GRXCR1: variants seen among roughly 807,000 people sequenced by gnomAD.
GRXCR1 encodes glutaredoxin domain-containing cysteine-rich protein 1.
Under a neutral mutation model 27.3 loss-of-function variants are expected in GRXCR1, and 27 were observed. The ratio of observed to expected loss-of-function variants is 0.99; its 90% CI spans 0.73 to 1.37. The LOEUF (loss-of-function observed/expected upper bound fraction) is 1.37. Ranked by LOEUF, GRXCR1 falls within the 40% of genes most tolerant of loss-of-function variation. GRXCR1 has a pLI of 0.00. For synonymous variants in GRXCR1, 122 were observed against 131.1 expected (o/e 0.93, Z 0.47); for missense variants, 379 against 354.4 (o/e 1.07, Z -0.56).
At chr4:42,938,200 A>C (rs985319633) in intron 1 of GRXCR1, among the ~76,000 whole-genome samples, 1 of 151,960 alleles carries the variant, frequency 6.6e-6, no homozygotes, top group Non-Finnish European at 1.5e-5. Context: ...GTGTCAGCTT[A>C]TTTTAGTTAA....
intron 2 of GRXCR1, among the ~76,000 whole-genome samples, chr4:42,980,423 T>A (rs1748631634): frequency 6.6e-6 from 1 of 152,082 alleles, no homozygotes; most frequent in Admixed American, 6.6e-5. Context: ...AATAATTTTT[T>A]AATTTTCCTG....
At chr4:42,976,306 C>A (rs578175239) in intron 2 of GRXCR1, among the ~76,000 whole-genome samples, 30 of 152,028 alleles carry the variant, frequency 2.0e-4, no homozygotes, top group African/African-American at 7.2e-4. Context: ...ATATGTGTAG[C>A]CATTTATTCA....
At chr4:42,920,144 G>C (rs997839264) in intron 1 of GRXCR1, among the ~76,000 whole-genome samples, 1 of 152,088 alleles carries the variant, frequency 6.6e-6, no homozygotes, top group Non-Finnish European at 1.5e-5. Flanking sequence ...TTTATTGAAG[G>C]ACAATAGACA....
intron 1 of GRXCR1, among the ~76,000 whole-genome samples, chr4:42,939,741 T>C (rs1054219616): frequency 6.6e-6 from 1 of 152,018 alleles, no homozygotes; most frequent in Non-Finnish European, 1.5e-5. Flanking sequence ...ATGGTGGCAA[T>C]ATGTGGGAGA....
In GRXCR1 at chr4:43,020,400, A is replaced by G. The variant is rs2109807145; in HGVS notation, c.674A>G (p.Asp225Gly). The G allele has an allele frequency of 6.2e-7, 1 of 1,610,592 alleles. No homozygotes were observed. Among genetic ancestry groups the G allele is most frequent in the Non-Finnish European group, 8.5e-7 (1 of 1,176,848 alleles). Reference protein sequence around the residue: ...LSMNESGELQDILTKIERVQH... With the variant: ...LSMNESGELQGILTKIERVQH... ...ATGAATGAATCAGGAGAACTGCAAGACATCCTAACCAAAATTGAGGTAAAT... is the reference window on the plus strand; with the variant it reads ...ATGAATGAATCAGGAGAACTGCAAGGCATCCTAACCAAAATTGAGGTAAAT... The change falls in exon 3 of 4, where the codon GAC (aspartate) becomes GGC (glycine). Residue 225 changes from aspartate to glycine, a missense_variant. Physicochemically the swap from Asp to Gly is moderately conservative, Grantham distance 94. Coordinates refer to ENST00000399770, the MANE Select transcript of GRXCR1 (RefSeq NM_001080476.3).
At position 42,945,123 on chromosome 4, in the gene GRXCR1, G is replaced by A. The variant is rs367732367; in HGVS notation, c.385-17769G>A. Reference sequence around the variant, plus strand: ...TGCCCCTTCCACCATGTGAAGACACGCGGAGAAGATACCATCTATAAGGAA... The same window carrying A: ...TGCCCCTTCCACCATGTGAAGACACACGGAGAAGATACCATCTATAAGGAA... On this transcript the variant is annotated intron_variant, in intron 1 of 3. Coordinates refer to ENST00000399770, the MANE Select transcript of GRXCR1 (RefSeq NM_001080476.3). 4.5e-4 allele frequency among the ~76,000 whole-genome samples: 69 copies of A among 152,218 alleles called. 1 individual carries two copies. The South Asian group carries it at 0.011, about 23-fold the overall frequency.
chr4:42,939,357 C>T (rs1046366271), intron 1 of GRXCR1, among the ~76,000 whole-genome samples: 2 of 151,972 alleles, frequency 1.3e-5, no homozygotes, highest in Admixed American at 6.6e-5. Context: ...GATTTTTATC[C>T]TGCAAGTTTA....
chr4:42,997,523 A>G (rs2109794403), intron 2 of GRXCR1, among the ~76,000 whole-genome samples: 1 of 152,332 alleles, frequency 6.6e-6, no homozygotes, highest in East Asian at 1.9e-4. Flanking sequence ...CTGCTCCTCC[A>G]GGGTCATCTA....
intron 1 of GRXCR1, among the ~76,000 whole-genome samples, chr4:42,906,760 C>A (rs1190724089): frequency 6.6e-6 from 1 of 152,080 alleles, no homozygotes; most frequent in Non-Finnish European, 1.5e-5. Flanking sequence ...GCAGGTGCCT[C>A]TCTTATAATA....
At chr4:42,930,230 G>A (rs1267415680) in intron 1 of GRXCR1, among the ~76,000 whole-genome samples, 1 of 151,994 alleles carries the variant, frequency 6.6e-6, no homozygotes, top group Non-Finnish European at 1.5e-5. Flanking sequence ...CACAGCAGAA[G>A]CACCAAGTTA....
At chr4:42,904,164 A>G (rs1746531972) in intron 1 of GRXCR1, among the ~76,000 whole-genome samples, 1 of 152,182 alleles carries the variant, frequency 6.6e-6, no homozygotes, top group Non-Finnish European at 1.5e-5. Flanking sequence ...ATTTTGGTCC[A>G]TGGATTCTGG....
intron 1 of GRXCR1, among the ~76,000 whole-genome samples, chr4:42,922,455 A>G (rs1009257737): frequency 6.6e-6 from 1 of 152,146 alleles, no homozygotes; most frequent in African/African-American, 2.4e-5. Context: ...TTTGCAAGAT[A>G]ATGGGCTCAC....
At chr4:42,993,933 A>G (rs898418773) in intron 2 of GRXCR1, among the ~76,000 whole-genome samples, 8 of 152,172 alleles carry the variant, frequency 5.3e-5, no homozygotes, top group Admixed American at 4.6e-4. Flanking sequence ...AAACGAGTGT[A>G]GAAGAAAATC....
intron 1 of GRXCR1, among the ~76,000 whole-genome samples, chr4:42,915,313 A>C (rs187627191): frequency 5.3e-5 from 8 of 152,306 alleles, no homozygotes; most frequent in Admixed American, 5.2e-4. Context: ...TGTGAGAGGC[A>C]TGTGACACAA....
intron 1 of GRXCR1, 67 bp downstream of exon 1, chr4:42,893,717 C>A: frequency 6.8e-7 from 1 of 1,480,770 alleles, no homozygotes; most frequent in Non-Finnish European, 9.4e-7. Flanking sequence ...CCTCTCAGTT[C>A]TCCAGTTAAA....
rs181296413 is a variant in GRXCR1 at position 42,922,106 on chromosome 4, C to T, written c.384+28456C>T. Among the ~76,000 whole-genome samples, 618 of 152,200 alleles carry T rather than the reference C, an allele frequency of 4.1e-3. 3 individuals carry two copies. The highest frequency in any genetic ancestry group is 0.027 in the Middle Eastern group (8 of 294). ...ATTAAGAAGTTATAGATCAAGGTAA[C>T]AAAGTATTAAATAAAATATGTTCCA... is the stretch of plus-strand genomic sequence containing the variant. On this transcript the variant is annotated intron_variant, in intron 1 of 3. Coordinates refer to ENST00000399770, the MANE Select transcript of GRXCR1 (RefSeq NM_001080476.3).
chr4:43,023,176 A>C (rs1713146557), intron 3 of GRXCR1, among the ~76,000 whole-genome samples: 1 of 152,144 alleles, frequency 6.6e-6, no homozygotes, highest in African/African-American at 2.4e-5. Context: ...GCTAGTAAAG[A>C]TGTTAGGTCC....
At chr4:42,988,421 G>T (rs1370517964) in intron 2 of GRXCR1, among the ~76,000 whole-genome samples, 1 of 152,122 alleles carries the variant, frequency 6.6e-6, no homozygotes, top group Non-Finnish European at 1.5e-5. Flanking sequence ...TTCTGTTGGG[G>T]TAGAGCAGAA....
At chr4:42,981,791 C>T (rs1450680989) in intron 2 of GRXCR1, among the ~76,000 whole-genome samples, 2 of 152,166 alleles carry the variant, frequency 1.3e-5, no homozygotes, top group African/African-American at 4.8e-5. Context: ...GCTAGGAAAT[C>T]TGCTGCTAGC....
Sources: gnomAD v4.1 joint callset for allele counts (sites outside exome capture counted in the v4.1 genomes callset) on GRCh38, gnomAD v4.1.1 for gene constraint, MANE v1.5 for transcripts, NCBI Gene and HGNC (gene_info 2026-07-23, HGNC 2026-07-21) for gene names.